The following REG3G variants were observed in gnomAD, a reference collection of about 807,000 sequenced individuals.
REG3G encodes regenerating islet-derived protein 3-gamma.
In REG3G, 19 loss-of-function variants were observed where a neutral mutation model predicts 20.9. The observed-to-expected ratio is 0.91, with a 90% CI of 0.64 to 1.34. The LOEUF (loss-of-function observed/expected upper bound fraction) is 1.34. Among genes scored for constraint, REG3G ranks in the 40% most tolerant of loss-of-function variants. REG3G has a pLI of 0.00. For missense variants in REG3G, 235 were observed against 205.0 expected, an observed-to-expected ratio of 1.15 and a Z score of -0.89; for synonymous variants, 89 against 77.4, an observed-to-expected ratio of 1.15 and a Z score of -0.79.
rs1373292795 is a variant in REG3G, at chr2:79,027,818, T to C, written c.345T>C (p.Pro115=). ...GLHDPTQGSE[P]DGDGWEWSST... ...CCTCTTCTCTATAGGGCTCTGAGCC[T>C]GATGGAGATGGATGGGAGTGGAGTA... The change falls in exon 5 of 6, where the codon CCT becomes CCC. Residue 115 remains proline, a synonymous_variant. Transcript: ENST00000272324. 1.2e-6 allele frequency: 2 copies of C among 1,614,028 alleles called. No homozygotes were observed. The highest frequency in any genetic ancestry group is 3.3e-5 in the Admixed American group (2 of 60,002).
intron 4 of REG3G, 60 bp from the exon 5 acceptor site, chr2:79,027,747 C>T: frequency 6.2e-7 from 1 of 1,602,598 alleles, no homozygotes; most frequent in Admixed American, 1.7e-5. Context: ...AGCTCAGGGG[C>T]CATGCAAAGA....
chr2:79,026,836 G>A lies in REG3G; in HGVS notation c.195+5G>A, dbSNP rs778162571. ...AAATCCTGGATGGATGCAGATGTGA[G>A]TGGTTAGATGTGGGGTTGGAGGTGA... On this transcript the variant is annotated splice_donor_5th_base_variant and intron_variant, in intron 3 of 5. Transcript: ENST00000272324. 6 of 1,605,270 alleles carry A rather than the reference G, an allele frequency of 3.7e-6. No homozygotes were observed. The Admixed American group carries it at 5.1e-5, about 14-fold the overall frequency.
chr2:79,027,533 G>A (rs374209731), intron 4 of REG3G, among the ~76,000 whole-genome samples: 9 of 152,260 alleles, frequency 5.9e-5, no homozygotes, highest in Admixed American at 5.2e-4. Flanking sequence ...TTTGAGGTTC[G>A]CAGGCTAATC....
chr2:79,025,820 AC>A, intron 1 of REG3G, 47 bp downstream of exon 1: 1 of 393,404 alleles, frequency 2.5e-6, no homozygotes, highest in Non-Finnish European at 4.7e-6. Context: ...GGGCAACCTC[AC>A]ATAATACAGG....
Position 79,028,196 on chromosome 2 carries a change from TC to T in REG3G, c.461-12del. Reference sequence around the variant, plus strand: ...TCCCCCAGCCCCATGCCTTTTATATTCTGTCTCCCTAGGATTTCTGAAGTGG... The same window carrying T: ...TCCCCCAGCCCCATGCCTTTTATATTTGTCTCCCTAGGATTTCTGAAGTGG... On this transcript the variant is annotated splice_polypyrimidine_tract_variant and intron_variant, in intron 5 of 5. Transcript: ENST00000272324. 2 of 1,598,828 alleles carry T rather than the reference TC, an allele frequency of 1.3e-6. No homozygotes were observed. The highest frequency in any genetic ancestry group is 1.7e-6 in the Non-Finnish European group (2 of 1,166,066).
chr2:79,027,701 C>G, intron 4 of REG3G, 106 bp from the exon 5 acceptor site: 1 of 1,381,624 alleles, frequency 7.2e-7, no homozygotes, highest in Non-Finnish European at 1.0e-6. Flanking sequence ...AAGATCAGAC[C>G]AAAATCCCTG....
intron 2 of REG3G, 48 bp downstream of exon 2, chr2:79,026,217 G>C (rs1671616156): frequency 6.3e-7 from 1 of 1,582,998 alleles, no homozygotes; most frequent in African/African-American, 1.3e-5. Context: ...AATCCTCAGA[G>C]CCAAGAAAAG....
At chr2:79,028,145 G>C in intron 5 of REG3G, 64 bp from the exon 6 acceptor site, 1 of 1,342,550 alleles carries the variant, frequency 7.4e-7, no homozygotes, top group Admixed American at 1.7e-5. Flanking sequence ...TAAAACCTGG[G>C]ATGCCTCTTC....
At chr2:79,026,372 T>A (rs1239787456) in intron 2 of REG3G, 2 of 617,800 alleles carry the variant, frequency 3.2e-6, no homozygotes, top group Non-Finnish European at 5.7e-6. Context: ...TGAGATGGCT[T>A]CCATTTAGTC....
Position 79,027,713 on chromosome 2 carries a change from T to C in REG3G, c.334-94T>C. Reference sequence around the variant, plus strand: ...TGGAAGATCAGACCAAAATCCCTGATGCTGGGGAGGAATCAGGTGTTACAG... The same window carrying C: ...TGGAAGATCAGACCAAAATCCCTGACGCTGGGGAGGAATCAGGTGTTACAG... On this transcript the variant is annotated intron_variant, in intron 4 of 5. Coordinates refer to ENST00000272324, the MANE Select transcript of REG3G (RefSeq NM_001008387.3). The C allele has an allele frequency of 4.1e-6, 6 of 1,465,880 alleles. No individual in the cohort carries two copies. The Admixed American group carries it at 9.2e-5, about 22-fold the overall frequency. 90.8% of individuals were successfully genotyped at this position (1,465,880 alleles called of 1,614,324 possible). A position where few individuals can be genotyped will look rare whatever the true frequency, so the allele number is the denominator to read the frequency against.
At position 79,027,811 on chromosome 2, in the gene REG3G, C is replaced by T. The variant is rs200943463; in HGVS notation, c.338C>T (p.Ser113Phe). The T allele has an allele frequency of 1.5e-4, 245 of 1,613,884 alleles. No homozygotes were observed. Among genetic ancestry groups the T allele is most frequent in the Non-Finnish European group, 2.0e-4 (237 of 1,179,938 alleles). The change falls in exon 5 of 6, where the codon TCT becomes TTT. Residue 113 changes from serine to phenylalanine, a missense_variant. Coordinates refer to ENST00000272324, the MANE Select transcript of REG3G (RefSeq NM_001008387.3). Reference sequence around the variant, plus strand: ...GCTGCCTCCTCTTCTCTATAGGGCTCTGAGCCTGATGGAGATGGATGGGAG... The same window carrying T: ...GCTGCCTCCTCTTCTCTATAGGGCTTTGAGCCTGATGGAGATGGATGGGAG... Reference protein sequence around the residue: ...WIGLHDPTQGSEPDGDGWEWS... With the variant: ...WIGLHDPTQGFEPDGDGWEWS...
In REG3G at chr2:79,027,914, G is replaced by A. The variant is rs757130723; in HGVS notation, c.441G>A (p.Gly147=). Residue 147 remains glycine, a synonymous_variant, in exon 5 of 6, where the codon GGG becomes GGA. Transcript: ENST00000272324. ...CCATCTTAAACCCTGGCCACTGTGG[G>A]AGCCTGTCAAGAAGCACAGGTAAGA... ...PSTILNPGHC[G]SLSRSTGFLK... 1.9e-6 allele frequency: 3 copies of A among 1,614,048 alleles called. No homozygotes were observed. The highest frequency in any genetic ancestry group is 3.3e-5 in the Admixed American group (2 of 59,996).
chr2:79,027,867 G>A lies in REG3G; in HGVS notation c.394G>A (p.Ala132Thr), dbSNP rs1461834298. The part of the protein sequence containing the change: ...WSSTDVMNYF[A>T]WEKNPSTILN... The stretch of plus-strand genomic sequence containing the variant: ...TAGCACTGATGTGATGAATTACTTT[G>A]CATGGGAGAAAAATCCCTCCACCAT... The change falls in exon 5 of 6, where the codon GCA becomes ACA. Residue 132 changes from alanine (A) to threonine (T), a missense_variant. By Grantham distance (58) the Ala-to-Thr change is moderately conservative. Transcript: ENST00000272324. 2 of 1,613,916 alleles carry A rather than the reference G, an allele frequency of 1.2e-6. No individual in the cohort carries two copies. Among genetic ancestry groups the A allele is most frequent in the East Asian group, 2.2e-5 (1 of 44,866 alleles).
intron 2 of REG3G, 30 bp from the exon 3 acceptor site, chr2:79,026,683 T>G: frequency 1.3e-6 from 2 of 1,561,232 alleles, no homozygotes; most frequent in Non-Finnish European, 1.8e-6. Context: ...CTACTCTTCA[T>G]TTTACTCTCT....
rs746910539 is a variant in REG3G, at chr2:79,027,836, G to T, written c.363G>T (p.Glu121Asp). 6.2e-7 allele frequency: 1 copy of T among 1,614,062 alleles called. No individual in the cohort carries two copies. Among genetic ancestry groups the T allele is most frequent in the Admixed American group, 1.7e-5 (1 of 60,018 alleles). Reference sequence around the variant, plus strand: ...CTGAGCCTGATGGAGATGGATGGGAGTGGAGTAGCACTGATGTGATGAATT... The same window carrying T: ...CTGAGCCTGATGGAGATGGATGGGATTGGAGTAGCACTGATGTGATGAATT... ...QGSEPDGDGW[E>D]WSSTDVMNYF... is the part of the protein sequence containing the mutation. The change falls in exon 5 of 6, where the codon GAG becomes GAT. Residue 121 changes from glutamate to aspartate, a missense_variant. Glu to Asp is a conservative substitution (Grantham distance 45). Coordinates refer to ENST00000272324, the MANE Select transcript of REG3G (RefSeq NM_001008387.3).
At position 79,028,497 on chromosome 2, in the gene REG3G, T is replaced by G; in HGVS notation, c.*221T>G. 1 of 507,762 alleles carries G rather than the reference T, an allele frequency of 2.0e-6. No individual in the cohort carries two copies. 31.5% of individuals were successfully genotyped at this position (507,762 alleles called of 1,614,324 possible). A position where few individuals can be genotyped will look rare whatever the true frequency, so the allele number is the denominator to read the frequency against. On this transcript the variant is annotated 3_prime_UTR_variant, in exon 6 of 6. Coordinates refer to ENST00000272324, the MANE Select transcript of REG3G (RefSeq NM_001008387.3). ...AGAGAATAATAATAAAAATGTTACT[T>G]TATACGTATATGCTTTTGTTTCATT...
chr2:79,027,499 C>T (rs1040322530), intron 4 of REG3G, among the ~76,000 whole-genome samples: 44 of 152,246 alleles, frequency 2.9e-4, no homozygotes, highest in African/African-American at 1.0e-3. Flanking sequence ...TCAAATTTTG[C>T]CCCCATACAG....
rs772098380 is a variant in REG3G at position 79,027,124 on chromosome 2, A to T, written c.286A>T (p.Ser96Cys). ...CGTGTCCTCCCTGGTGAGGAGCATT[A>T]GTAACAGCTATTCATACATCTGGAT... The part of the protein sequence containing the change: ...SFVSSLVRSI[S>C]NSYSYIWIGL... The change falls in exon 4 of 6, where the codon AGT becomes TGT. Residue 96 changes from serine to cysteine, a missense_variant. Ser to Cys is a moderately radical substitution (Grantham distance 112, BLOSUM62 -1). Transcript: ENST00000272324. The T allele has an allele frequency of 1.9e-6, 3 of 1,613,574 alleles. No homozygotes were observed. The highest frequency in any genetic ancestry group is 2.5e-6 in the Non-Finnish European group (3 of 1,179,588).
chr2:79,027,345 C>T (rs1396674964), intron 4 of REG3G, 174 bp downstream of exon 4: 4 of 638,558 alleles, frequency 6.3e-6, no homozygotes, highest in Admixed American at 3.0e-5. Context: ...CTGAATTCTA[C>T]GGAGATCCCT....
Sources: gnomAD v4.1 joint callset for allele counts (sites outside exome capture counted in the v4.1 genomes callset) on GRCh38, gnomAD v4.1.1 for gene constraint, MANE v1.5 for transcripts, NCBI Gene and HGNC (gene_info 2026-07-23, HGNC 2026-07-21) for gene names.